DNAAF1: variants seen among roughly 807,000 people sequenced by gnomAD.
The protein encoded by DNAAF1 is dynein assembly factor 1, axonemal.
Under a neutral mutation model 71.1 loss-of-function variants are expected in DNAAF1, and 65 were observed. The observed-to-expected ratio is 0.91, with a 90% CI of 0.75 to 1.12. The LOEUF (loss-of-function observed/expected upper bound fraction) is 1.12, where lower values mean the gene tolerates loss of function less well. DNAAF1 is among the 50% of genes most tolerant of loss of function. DNAAF1 has a pLI of 0.00. For synonymous variants in DNAAF1, 414 were observed against 354.6 expected (o/e 1.17, Z -1.88); for missense variants, 1,178 against 899.8 (o/e 1.31, Z -3.96).
chr16:84,168,822 C>CCA (rs1352763766), intron 7 of DNAAF1, among the ~76,000 whole-genome samples: 118 of 42,376 alleles, frequency 2.8e-3, no homozygotes, highest in African/African-American at 6.6e-3. Context: ...TACACATTTG[C>CCA]CACATACACA....
rs1332112533 is a variant in DNAAF1, at chr16:84,159,296, G to C, written c.742-379G>C. The C allele has an allele frequency of 2.8e-6, 3 of 1,068,710 alleles. No individual in the cohort carries two copies. The African/African-American group carries it at 5.1e-5, about 18-fold the overall frequency. 66.2% of individuals were successfully genotyped at this position (1,068,710 alleles called of 1,614,324 possible). On this transcript the variant is annotated intron_variant, in intron 5 of 11. Transcript: ENST00000378553. ...TGTGCGTTTTGGTAAAATGGATCCT[G>C]GCTGGGAAGAAAAGAAAACAATCAA...
chr16:84,150,600 T>G (rs1407037404), intron 3 of DNAAF1, among the ~76,000 whole-genome samples: 1 of 151,222 alleles, frequency 6.6e-6, no homozygotes, highest in African/African-American at 2.4e-5. Context: ...CTAAGGAATT[T>G]TTTTTTCTTT....
intron 3 of DNAAF1, among the ~76,000 whole-genome samples, chr16:84,150,717 C>T (rs2087144428): frequency 6.7e-6 from 1 of 149,994 alleles, no homozygotes; most frequent in Non-Finnish European, 1.5e-5. Context: ...CAGGTTCAAG[C>T]AATTCTCCTA....
chr16:84,176,330 G>C, intron 11 of DNAAF1, 31 bp downstream of exon 11: 1 of 1,612,504 alleles, frequency 6.2e-7, no homozygotes, highest in Non-Finnish European at 8.5e-7. Context: ...GCACAGTGGA[G>C]ACAATGTTGG....
chr16:84,166,282 G>C (rs1567555695), intron 7 of DNAAF1, among the ~76,000 whole-genome samples: 2 of 151,812 alleles, frequency 1.3e-5, no homozygotes, highest in African/African-American at 4.8e-5. Flanking sequence ...CGAACTCCTG[G>C]CTTCAAGTGA....
chr16:84,172,120 G>T (rs12926474), intron 8 of DNAAF1, 140 bp from the exon 9 acceptor site: 1 of 774,828 alleles, frequency 1.3e-6, no homozygotes, highest in Non-Finnish European at 2.2e-6. Context: ...CTTGTGATCC[G>T]CCCACCTTGG....
At chr16:84,170,383 GACAC>G (rs1351808738) in intron 8 of DNAAF1, 27 bp downstream of exon 8, 1 of 1,612,996 alleles carries the variant, frequency 6.2e-7, no homozygotes, top group African/African-American at 1.3e-5. Flanking sequence ...AACACACACA[GACAC>G]ACACACCTCT....
chr16:84,155,135 C>G (rs1164794942), intron 4 of DNAAF1, among the ~76,000 whole-genome samples: 1 of 152,208 alleles, frequency 6.6e-6, no homozygotes, highest in African/African-American at 2.4e-5. Context: ...GTCTCGATCT[C>G]CTGACCTCGT....
At chr16:84,173,442 C>T (rs767369678) in intron 9 of DNAAF1, 43 of 961,600 alleles carry the variant, frequency 4.5e-5, no homozygotes, top group Admixed American at 1.9e-4. Context: ...CCAACCTGGG[C>T]GACAGAGCGA....
intron 4 of DNAAF1, among the ~76,000 whole-genome samples, chr16:84,155,175 TGGGATTACA>T (rs1186599520): frequency 6.6e-6 from 1 of 152,228 alleles, no homozygotes; most frequent in Non-Finnish European, 1.5e-5. Flanking sequence ...CCCAAAGTGC[TGGGATTACA>T]GGCGTGAGCC....
chr16:84,153,311 G>A (rs569695701), intron 3 of DNAAF1, among the ~76,000 whole-genome samples: 1 of 152,236 alleles, frequency 6.6e-6, no homozygotes, highest in East Asian at 1.9e-4. Flanking sequence ...TAGGTGATGG[G>A]ATGACCTATG....
At chr16:84,174,819 TC>T in intron 10 of DNAAF1, 97 bp downstream of exon 10, 1 of 1,481,282 alleles carries the variant, frequency 6.8e-7, no homozygotes, top group Admixed American at 1.7e-5. Context: ...AGTAAAATGT[TC>T]CCTGTGCATA....
chr16:84,172,928 T>C (rs2088444314), intron 9 of DNAAF1: 1 of 1,007,024 alleles, frequency 9.9e-7, no homozygotes, highest in Non-Finnish European at 1.2e-6. Flanking sequence ...CCTGAAGCTC[T>C]TCCCATTTTG....
In DNAAF1 at chr16:84,155,752, A is replaced by AAAAAAC. The variant is rs746627763; in HGVS notation, c.741+18_741+23dup. ...TTCTGGAAAGCATGCCCGATTTGGT[A>AAAAAAC]AAAAACAAAAACAAAAACAACGAAA... On this transcript the variant is annotated splice_donor_region_variant and intron_variant, in intron 5 of 11. Transcript: ENST00000378553. 6.8e-6 allele frequency: 11 copies of AAAAAAC among 1,614,074 alleles called. No individual in the cohort carries two copies. The highest frequency in any genetic ancestry group is 3.3e-4 in the Middle Eastern group (2 of 6,062).
Position 84,170,099 on chromosome 16 carries a change from C to T in DNAAF1, c.1271C>T (p.Ser424Leu), listed in dbSNP as rs748991213. 2.0e-5 allele frequency: 31 copies of T among 1,583,912 alleles called. No individual in the cohort carries two copies. The highest frequency in any genetic ancestry group is 1.5e-4 in the South Asian group (13 of 88,274). ...CTCCCAGCTGAGACCCTGCTACTGT[C>T]GTCACCTGTGGAGGTTAAAGGAGAG... The part of the protein sequence containing the change: ...GTLPAETLLL[S>L]SPVEVKGEDG... Residue 424 changes from serine to leucine, a missense_variant, in exon 8 of 12, where the codon TCG (serine) becomes TTG (leucine). Coordinates refer to ENST00000378553, the MANE Select transcript of DNAAF1 (RefSeq NM_178452.6).
Position 84,148,991 on chromosome 16 carries a change from C to G in DNAAF1, c.125-16C>G, listed in dbSNP as rs1190661219. ...ATATCTTGATCTCTACAGACCTGATCTCTTTTATTTTACAGAAATTAATGA... is the reference window on the plus strand; with the variant it reads ...ATATCTTGATCTCTACAGACCTGATGTCTTTTATTTTACAGAAATTAATGA... On this transcript the variant is annotated splice_polypyrimidine_tract_variant and intron_variant, in intron 1 of 11. Transcript: ENST00000378553. 1.9e-6 allele frequency: 3 copies of G among 1,613,840 alleles called. No homozygotes were observed. The highest frequency in any genetic ancestry group is 2.2e-5 in the South Asian group (2 of 91,062).
intron 5 of DNAAF1, chr16:84,158,921 G>C: frequency 2.1e-6 from 1 of 468,434 alleles, no homozygotes; most frequent in Non-Finnish European, 2.8e-6. Context: ...AGTAGAGATG[G>C]GGTTTCACCA....
rs1467462299 is a variant in DNAAF1, at chr16:84,145,327, C to T, written c.-114C>T. 1.3e-6 allele frequency: 2 copies of T among 1,507,898 alleles called. No individual in the cohort carries two copies. The highest frequency in any genetic ancestry group is 2.5e-5 in the East Asian group (1 of 40,478). The allele number at this position is 1,507,898 out of a possible 1,614,324, so 93.4% of individuals were successfully genotyped here. The stretch of plus-strand genomic sequence containing the variant: ...TGGGCTGTAAAGACTAGGGCGCCAG[C>T]GGCTGGCGAAGAAGGAAAGAGGGTA... On this transcript the variant is annotated 5_prime_UTR_variant, in exon 1 of 12. Coordinates refer to ENST00000378553, the MANE Select transcript of DNAAF1 (RefSeq NM_178452.6).
intron 9 of DNAAF1, 170 bp from the exon 10 acceptor site, chr16:84,174,497 TTG>T: frequency 6.6e-7 from 1 of 1,506,590 alleles, no homozygotes; most frequent in South Asian, 1.3e-5. Flanking sequence ...AACGCTTGCT[TTG>T]TGTGTATCTA....
Sources: gnomAD v4.1 joint callset for allele counts (sites outside exome capture counted in the v4.1 genomes callset) on GRCh38, gnomAD v4.1.1 for gene constraint, MANE v1.5 for transcripts, NCBI Gene and HGNC (gene_info 2026-07-23, HGNC 2026-07-21) for gene names.